PLB1: variants seen among roughly 807,000 people sequenced by gnomAD.
PLB1 encodes the protein phospholipase B1.
Under a neutral mutation model 227.4 loss-of-function variants are expected in PLB1, and 242 were observed. That is an observed-to-expected ratio of 1.06 (90% CI 0.96 to 1.18). The LOEUF is 1.18. Among genes scored for constraint, PLB1 ranks in the 50% most tolerant of loss-of-function variants. The pLI is 0.00. For missense variants in PLB1, 1,858 were observed against 1,816.3 expected (o/e 1.02, Z -0.42); for synonymous variants, 757 against 682.2 (o/e 1.11, Z -1.71).
chr2:28,639,376 C>T (rs950707594), intron 56 of PLB1, among the ~76,000 whole-genome samples: 3 of 151,646 alleles, frequency 2.0e-5, no homozygotes, highest in Admixed American at 6.6e-5. Context: ...ATATGGCGAT[C>T]GTTGGTGGCC....
chr2:28,624,908 A>T, intron 49 of PLB1, 149 bp from the exon 50 acceptor site: 1 of 759,512 alleles, frequency 1.3e-6, no homozygotes, highest in Non-Finnish European at 2.2e-6. Context: ...TGTGATTGTT[A>T]CTAAGCTGAG....
intron 13 of PLB1, among the ~76,000 whole-genome samples, chr2:28,542,714 A>T (rs543394636): frequency 6.6e-6 from 1 of 152,030 alleles, no homozygotes; most frequent in Non-Finnish European, 1.5e-5. Context: ...CACCCAGACC[A>T]TGTAGCACTT....
At chr2:28,514,174 C>A (rs930726577) in intron 1 of PLB1, among the ~76,000 whole-genome samples, 1 of 152,170 alleles carries the variant, frequency 6.6e-6, no homozygotes, top group Non-Finnish European at 1.5e-5. Flanking sequence ...AATTGTTGTT[C>A]CAGCATCATT....
At chr2:28,514,960 A>T (rs990535417) in intron 1 of PLB1, among the ~76,000 whole-genome samples, 2 of 152,144 alleles carry the variant, frequency 1.3e-5, no homozygotes, top group South Asian at 2.1e-4. Flanking sequence ...GATTACAGGC[A>T]TGAGCCACCA....
intron 9 of PLB1, among the ~76,000 whole-genome samples, chr2:28,536,428 A>G (rs1250927942): frequency 7.8e-6 from 1 of 127,764 alleles, no homozygotes; most frequent in African/African-American, 2.8e-5. Context: ...AATGAAAAAA[A>G]GAGCTGATTA....
chr2:28,571,701 CT>C (rs1351556145), intron 20 of PLB1, among the ~76,000 whole-genome samples: 1 of 152,076 alleles, frequency 6.6e-6, no homozygotes, highest in Non-Finnish European at 1.5e-5. Flanking sequence ...AAAGAATCGT[CT>C]TTTCAATAAA....
Position 28,589,654 on chromosome 2 carries a change from CTT to C in PLB1, c.1921-17_1921-16del. On this transcript the variant is annotated intron_variant, in intron 27 of 57. Transcript: ENST00000327757. Reference sequence around the variant, plus strand: ...ATCCAGTGTGTCTATAACTGCCTCTCTTTTTCTGCCCGGTGACCAGGAAGGAT... The same window carrying C: ...ATCCAGTGTGTCTATAACTGCCTCTCTTTCTGCCCGGTGACCAGGAAGGAT... 6.2e-7 allele frequency: 1 copy of C among 1,613,252 alleles called. No individual in the cohort carries two copies. Among genetic ancestry groups the C allele is most frequent in the Non-Finnish European group, 8.5e-7 (1 of 1,179,166 alleles).
chr2:28,561,835 C>A (rs1345546425), intron 17 of PLB1, among the ~76,000 whole-genome samples: 2 of 152,094 alleles, frequency 1.3e-5, no homozygotes, highest in Admixed American at 1.3e-4. Context: ...CTGCAGTGAG[C>A]CATTATCACG....
At chr2:28,620,482 G>T (rs1177419513) in intron 47 of PLB1, 118 bp from the exon 48 acceptor site, 1 of 1,392,670 alleles carries the variant, frequency 7.2e-7, no homozygotes, top group Non-Finnish European at 9.8e-7. Flanking sequence ...ACCCCTGAGG[G>T]TGATGGGAGA....
intron 45 of PLB1, 110 bp from the exon 46 acceptor site, chr2:28,618,231 A>G (rs757895605): frequency 1.7e-4 from 175 of 1,018,646 alleles, no homozygotes; most frequent in Non-Finnish European, 2.5e-4. Context: ...AGCTGAAAAT[A>G]AGTACAATGG....
At position 28,625,044 on chromosome 2, in the gene PLB1, A is replaced by AC. The variant is rs761209900; in HGVS notation, c.3528-7dup. The AC allele has an allele frequency of 3.1e-6, 5 of 1,611,620 alleles. No homozygotes were observed. The highest frequency in any genetic ancestry group is 3.3e-5 in the Admixed American group (2 of 59,750). ...AGCCGGCACTAACGCCCCTCTCTCTACCCCCCACCTAGGGACATGCCAGCC... is the reference window on the plus strand; with the variant it reads ...AGCCGGCACTAACGCCCCTCTCTCTACCCCCCCACCTAGGGACATGCCAGCC... On this transcript the variant is annotated splice_polypyrimidine_tract_variant and intron_variant, in intron 49 of 57. Transcript: ENST00000327757.
At position 28,508,939 on chromosome 2, in the gene PLB1, C is replaced by T. The variant is rs147123904; in HGVS notation, c.56-7869C>T. 5.2e-3 allele frequency among the ~76,000 whole-genome samples: 788 copies of T among 152,318 alleles called. 7 individuals are homozygous for T. Among genetic ancestry groups the T allele is most frequent in the African/African-American group, 0.018 (729 of 41,570 alleles). The stretch of plus-strand genomic sequence containing the variant: ...CCTCCCTGATGCCTAGGAGATGCTT[C>T]TTCCTTTCATCCAGGGAGACAAGTC... On this transcript the variant is annotated intron_variant, in intron 1 of 57. Transcript: ENST00000327757.
At chr2:28,602,763 A>G in intron 38 of PLB1, 58 bp from the exon 39 acceptor site, 1 of 1,482,810 alleles carries the variant, frequency 6.7e-7, no homozygotes, top group Non-Finnish European at 9.4e-7. Flanking sequence ...AGGGGCCCTG[A>G]GACAGCCCCA....
At chr2:28,521,441 G>A (rs1041359187) in intron 4 of PLB1, among the ~76,000 whole-genome samples, 1 of 152,146 alleles carries the variant, frequency 6.6e-6, no homozygotes, top group Non-Finnish European at 1.5e-5. Flanking sequence ...ACCAATGCCT[G>A]TTTTCTGGGG....
intron 20 of PLB1, among the ~76,000 whole-genome samples, chr2:28,568,557 C>T (rs1677457051): frequency 6.6e-6 from 1 of 152,200 alleles, no homozygotes; most frequent in Non-Finnish European, 1.5e-5. Context: ...AAGGGCAGAA[C>T]AGAATCCCCG....
chr2:28,514,324 C>G (rs1000626819), intron 1 of PLB1, among the ~76,000 whole-genome samples: 4 of 152,158 alleles, frequency 2.6e-5, no homozygotes. Flanking sequence ...GCCAGTCACA[C>G]TGTCTTGATC....
chr2:28,592,548 T>C (rs1156534608), intron 31 of PLB1, 113 bp from the exon 32 acceptor site: 1 of 1,053,012 alleles, frequency 9.5e-7, no homozygotes, highest in East Asian at 2.4e-5. Context: ...CAGCCCTGCA[T>C]GGCCCCAGTG....
In PLB1 at chr2:28,640,975, C is replaced by A. The variant is rs758859271; in HGVS notation, c.4147C>A (p.Arg1383=). ...KTTSNNFTHS[R]AKLKCPSPES... is the part of the protein sequence containing the mutation. ...TACCTCCAACAACTTCACCCACAGCCGAGCCAAACTCAAGTGCCCCTCTCC... is the reference window on the plus strand; with the variant it reads ...TACCTCCAACAACTTCACCCACAGCAGAGCCAAACTCAAGTGCCCCTCTCC... Residue 1383 remains arginine, a synonymous_variant, in exon 57 of 58, where the codon CGA becomes AGA. Coordinates refer to ENST00000327757, the MANE Select transcript of PLB1 (RefSeq NM_153021.5). 2.5e-6 allele frequency: 4 copies of A among 1,613,884 alleles called. No homozygotes were observed. Among genetic ancestry groups the A allele is most frequent in the Non-Finnish European group, 3.4e-6 (4 of 1,179,892 alleles).
chr2:28,565,447 G>T lies in PLB1; in HGVS notation c.1280+94G>T, dbSNP rs905069980. On this transcript the variant is annotated intron_variant, in intron 19 of 57. Transcript: ENST00000327757. Reference sequence around the variant, plus strand: ...CTAGAAAACAACGCCTTAAGCAGAAGGGTGGGCCATTTTGTTCTTTTCTAT... The same window carrying T: ...CTAGAAAACAACGCCTTAAGCAGAATGGTGGGCCATTTTGTTCTTTTCTAT... 278 of 1,147,370 alleles carry T rather than the reference G, an allele frequency of 2.4e-4. 1 individual carries two copies. The highest frequency in any genetic ancestry group is 2.8e-4 in the Non-Finnish European group (225 of 806,256). 71.1% of individuals were successfully genotyped at this position (1,147,370 alleles called of 1,614,324 possible). A position where few individuals can be genotyped will look rare whatever the true frequency, so the allele number is the denominator to read the frequency against.
Sources: allele counts gnomAD v4.1 joint callset (sites outside exome capture counted in the v4.1 genomes callset), GRCh38; gene constraint gnomAD v4.1.1; transcripts MANE v1.5; gene names NCBI Gene and HGNC (gene_info 2026-07-23, HGNC 2026-07-21).